Variants in DACH1 observed in about 807,000 individuals in gnomAD.
The protein encoded by DACH1 is dachshund homolog 1.
DACH1 carries 12 observed loss-of-function variants against 54.2 expected under a neutral mutation model. The observed-to-expected ratio is 0.22, with a 90% CI of 0.14 to 0.36. The LOEUF (loss-of-function observed/expected upper bound fraction) is 0.36. Among genes scored for constraint, DACH1 ranks in the 10% least tolerant of loss-of-function variants. The pLI is 1.00. For synonymous variants in DACH1, 386 were observed against 366.2 expected (o/e 1.05, Z -0.62); for missense variants, 805 against 929.8 (o/e 0.87, Z 1.75).
intron 5 of DACH1, 111 bp downstream of exon 5, chr13:71,559,709 T>C (rs2138382053): frequency 7.2e-7 from 1 of 1,393,584 alleles, no homozygotes; most frequent in East Asian, 2.3e-5. Context: ...CTACAGAGTT[T>C]CAGAACATGA....
chr13:71,781,698 T>G (rs1886391176), intron 1 of DACH1, among the ~76,000 whole-genome samples: 1 of 152,074 alleles, frequency 6.6e-6, no homozygotes. Context: ...TCTTTAGGAT[T>G]CTTAGACGAC....
intron 2 of DACH1, among the ~76,000 whole-genome samples, chr13:71,648,399 G>A (rs1878445841): frequency 1.3e-5 from 2 of 152,058 alleles, no homozygotes; most frequent in South Asian, 2.1e-4. Flanking sequence ...CAAGAGAGGC[G>A]ACGAGAAGAG....
chr13:71,789,437 G>A (rs1006901097), intron 1 of DACH1, among the ~76,000 whole-genome samples: 6 of 152,010 alleles, frequency 3.9e-5, no homozygotes, highest in Non-Finnish European at 8.8e-5. Context: ...GATGGGATCT[G>A]ATTTATCCCA....
At chr13:71,581,464 C>T (rs1442022520) in intron 3 of DACH1, among the ~76,000 whole-genome samples, 1 of 152,086 alleles carries the variant, frequency 6.6e-6, no homozygotes, top group Non-Finnish European at 1.5e-5. Flanking sequence ...TTTCACAATG[C>T]CAGGCTGGTC....
At chr13:71,733,219 T>C (rs1177196669) in intron 1 of DACH1, among the ~76,000 whole-genome samples, 2 of 152,212 alleles carry the variant, frequency 1.3e-5, no homozygotes, top group Non-Finnish European at 2.9e-5. Context: ...TATAGTACAG[T>C]GGCACAATCT....
At chr13:71,481,249 C>T (rs1878005354) in intron 7 of DACH1, among the ~76,000 whole-genome samples, 1 of 152,154 alleles carries the variant, frequency 6.6e-6, no homozygotes, top group African/African-American at 2.4e-5. Flanking sequence ...ATGTTGGCAC[C>T]ACTTAATGTG....
chr13:71,866,312 C>T lies in DACH1; in HGVS notation c.458G>A (p.Ser153Asn). 6.8e-7 allele frequency: 1 copy of T among 1,478,352 alleles called. No homozygotes were observed. Among genetic ancestry groups the T allele is most frequent in the Non-Finnish European group, 9.1e-7 (1 of 1,098,956 alleles). 91.6% of individuals were successfully genotyped at this position (1,478,352 alleles called of 1,614,324 possible). ...GCTGCTACTGCTGCTGCTGCTACTA[C>T]TGCTGCTGCTGCTGCTGCTGCTACT... ...SSSSSSSSSS[S>N]SSSSSSSSSS... The change falls in exon 1 of 11, where the codon AGT (serine) becomes AAT (asparagine). Residue 153 changes from serine to asparagine, a missense_variant. Around this residue, in one of 3 missense-constraint regions of DACH1, gnomAD observed 305 missense variants for 308.7 expected, o/e 0.99. Coordinates refer to ENST00000613252, the MANE Select transcript of DACH1 (RefSeq NM_080759.6).
intron 1 of DACH1, among the ~76,000 whole-genome samples, chr13:71,777,322 G>A (rs1381548600): frequency 6.6e-6 from 1 of 152,038 alleles, no homozygotes; most frequent in Non-Finnish European, 1.5e-5. Context: ...CCAACAAACT[G>A]TTTGGTAGCT....
chr13:71,580,679 T>C (rs1378255863), intron 3 of DACH1, among the ~76,000 whole-genome samples: 1 of 152,164 alleles, frequency 6.6e-6, no homozygotes, highest in Non-Finnish European at 1.5e-5. Context: ...ATTTTATATG[T>C]ATGGATTTAA....
chr13:71,529,316 A>C (rs774966113), intron 6 of DACH1, among the ~76,000 whole-genome samples: 4 of 151,030 alleles, frequency 2.6e-5, no homozygotes, highest in African/African-American at 4.9e-5. Context: ...CCTCCTGAGT[A>C]GCTGGGACTG....
intron 1 of DACH1, among the ~76,000 whole-genome samples, chr13:71,794,357 G>A (rs1886955623): frequency 6.6e-6 from 1 of 152,204 alleles, no homozygotes; most frequent in Non-Finnish European, 1.5e-5. Context: ...TTAACATGGT[G>A]TCTCCACATC....
intron 3 of DACH1, among the ~76,000 whole-genome samples, chr13:71,620,322 TA>T (rs1011751900): frequency 6.6e-6 from 1 of 151,888 alleles, no homozygotes; most frequent in African/African-American, 2.4e-5. Context: ...AAAAGCAGAC[TA>T]AAACACATAG....
At chr13:71,712,886 G>A (rs1316451920) in intron 1 of DACH1, among the ~76,000 whole-genome samples, 1 of 151,942 alleles carries the variant, frequency 6.6e-6, no homozygotes, top group Non-Finnish European at 1.5e-5. Flanking sequence ...AACACTTATA[G>A]CAATGACTCT....
intron 1 of DACH1, among the ~76,000 whole-genome samples, chr13:71,862,671 C>T (rs900479242): frequency 2.6e-5 from 4 of 151,942 alleles, no homozygotes; most frequent in Admixed American, 6.6e-5. Flanking sequence ...TCATAGATAA[C>T]ATACTAATGC....
chr13:71,824,618 T>C (rs1888312525), intron 1 of DACH1, among the ~76,000 whole-genome samples: 1 of 152,028 alleles, frequency 6.6e-6, no homozygotes. Flanking sequence ...CTAGAGTTTT[T>C]CTTTTGGCTA....
chr13:71,475,265 T>TA, intron 9 of DACH1, 56 bp from the exon 10 acceptor site: 1 of 1,438,482 alleles, frequency 7.0e-7, no homozygotes, highest in Non-Finnish European at 9.7e-7. Flanking sequence ...CTATTGTCCT[T>TA]TAAAAAAAAA....
chr13:71,807,887 C>A (rs1262300157), intron 1 of DACH1, among the ~76,000 whole-genome samples: 5 of 150,300 alleles, frequency 3.3e-5, no homozygotes, highest in African/African-American at 1.2e-4. Context: ...TCTAAAAAGT[C>A]CTCATTATTT....
intron 1 of DACH1, among the ~76,000 whole-genome samples, chr13:71,746,054 C>A (rs942782851): frequency 6.6e-6 from 1 of 152,018 alleles, no homozygotes; most frequent in African/African-American, 2.4e-5. Context: ...CCCCTCTCTA[C>A]TAAAAATACA....
At chr13:71,803,642 GA>G (rs1464633831) in intron 1 of DACH1, among the ~76,000 whole-genome samples, 2 of 151,910 alleles carry the variant, frequency 1.3e-5, no homozygotes, top group African/African-American at 2.4e-5. Context: ...AAATTATGAA[GA>G]AAAAAATCAT....
Sources: gnomAD v4.1 joint callset for allele counts (sites outside exome capture counted in the v4.1 genomes callset) on GRCh38, gnomAD v4.1.1 for gene constraint, gnomAD v4.1.1 regional missense constraint, MANE v1.5 for transcripts, NCBI Gene and HGNC (gene_info 2026-07-23, HGNC 2026-07-21) for gene names.